CACNA2D1: variants seen among roughly 807,000 people sequenced by gnomAD.
CACNA2D1 encodes the protein voltage-dependent calcium channel subunit alpha-2/delta-1.
CACNA2D1 carries 53 observed loss-of-function variants against 171.5 expected under a neutral mutation model. That is an observed-to-expected ratio of 0.31 (90% confidence interval 0.25 to 0.39). The LOEUF is 0.39. CACNA2D1 is among the 10% of genes least tolerant of loss of function. The probability of loss-of-function intolerance (pLI) is 1.00; values close to 1 mark genes in which losing one functional copy is unlikely to be tolerated. For synonymous variants in CACNA2D1, 442 were observed against 443.1 expected, an observed-to-expected ratio of 1.00 and a Z score of 0.03; for missense variants, 903 against 1,299.8, an observed-to-expected ratio of 0.69 and a Z score of 4.69.
At chr7:82,256,187 G>A (rs11762870) in intron 3 of CACNA2D1, among the ~76,000 whole-genome samples, 241 of 152,212 alleles carry the variant, frequency 1.6e-3, no homozygotes, top group Non-Finnish European at 2.0e-3. Flanking sequence ...GGGGCGTGGC[G>A]GGAGGCTGAG....
intron 7 of CACNA2D1, among the ~76,000 whole-genome samples, chr7:82,077,775 A>T (rs1436142052): frequency 6.7e-6 from 1 of 148,232 alleles, no homozygotes; most frequent in Non-Finnish European, 1.5e-5. Context: ...AAAAAAAAAA[A>T]TCAGGCATTT....
intron 3 of CACNA2D1, among the ~76,000 whole-genome samples, chr7:82,309,724 T>C (rs1050945922): frequency 6.6e-6 from 1 of 152,138 alleles, no homozygotes. Context: ...AACACATGTG[T>C]GTCCATGGCA....
intron 9 of CACNA2D1, 63 bp downstream of exon 9, chr7:82,064,241 T>TA (rs1462050450): frequency 4.5e-6 from 5 of 1,120,302 alleles, no homozygotes; most frequent in Non-Finnish European, 6.8e-6. Flanking sequence ...CCCACCATAC[T>TA]ACTGTTATCT....
chr7:81,967,657 C>G lies in CACNA2D1; in HGVS notation c.2402G>C (p.Gly801Ala). The G allele has an allele frequency of 7.0e-7, 1 of 1,426,020 alleles. No homozygotes were observed. The allele number at this position is 1,426,020 out of a possible 1,614,324, so 88.3% of individuals were successfully genotyped here. Reference protein sequence around the residue: ...QGKLLKPAVVGIKIDVNSWIE... With the variant: ...QGKLLKPAVVAIKIDVNSWIE... ...CCAGGAATTTACATCAATTTTAATT[C>G]CAACAACTGAAAAATTAATTTGAAT... is the stretch of plus-strand genomic sequence containing the variant. The change falls in exon 30 of 39, where the codon GGA becomes GCA. Residue 801 changes from glycine to alanine, a missense_variant. Transcript: ENST00000356860.
Position 82,143,878 on chromosome 7 carries a change from ACT to A in CACNA2D1, c.355-7204_355-7203del, listed in dbSNP as rs1233837989. ...AATCAGGAGTTTCTATGTTTTAAAA[ACT>A]CTAACAAACATGTAGGGTTCTTTGG... is the stretch of plus-strand genomic sequence containing the variant. On this transcript the variant is annotated intron_variant, in intron 4 of 38. Transcript: ENST00000356860. 3.9e-5 allele frequency among the ~76,000 whole-genome samples: 6 copies of A among 152,050 alleles called. 1 individual carries two copies. The highest frequency in any genetic ancestry group is 2.6e-4 in the Admixed American group (4 of 15,246).
chr7:82,095,254 G>C (rs12530726), intron 6 of CACNA2D1, among the ~76,000 whole-genome samples: 50,232 of 151,788 alleles, frequency 0.33, 8,935 homozygotes, highest in East Asian at 0.4. Context: ...GCTCTACAGG[G>C]TGTTCCTCGA....
intron 3 of CACNA2D1, among the ~76,000 whole-genome samples, chr7:82,292,018 C>T (rs1366788655): frequency 6.6e-6 from 1 of 151,868 alleles, no homozygotes. Flanking sequence ...CACACACACA[C>T]ATTTTTCTCT....
chr7:82,005,884 C>T (rs774049137), intron 16 of CACNA2D1, 45 bp from the exon 17 acceptor site: 39 of 1,064,996 alleles, frequency 3.7e-5, no homozygotes, highest in Middle Eastern at 2.0e-4. Context: ...CAAAAATTTA[C>T]GTATTTTTAC....
rs139083179 is a variant in CACNA2D1, at chr7:82,422,900, T to A, written c.95+20465A>T. On this transcript the variant is annotated intron_variant, in intron 1 of 38. Transcript: ENST00000356860. Reference sequence around the variant, plus strand: ...ATGCTTTGTCAAGAAAAAAAAAAAATTTCCATGCATTTTAATTCCAGTGTG... The same window carrying A: ...ATGCTTTGTCAAGAAAAAAAAAAAAATTCCATGCATTTTAATTCCAGTGTG... Among the ~76,000 whole-genome samples, 456 of 151,356 alleles carry A rather than the reference T, an allele frequency of 3.0e-3. 3 individuals carry two copies. Among genetic ancestry groups the A allele is most frequent in the African/African-American group, 0.01 (417 of 41,224 alleles).
intron 3 of CACNA2D1, among the ~76,000 whole-genome samples, chr7:82,319,819 A>G (rs73704218): frequency 0.024 from 3,696 of 152,318 alleles, 167 homozygotes; most frequent in African/African-American, 0.083. Context: ...CTGAGACTAA[A>G]TGAATAAATT....
chr7:82,258,901 C>G (rs1219653687), intron 3 of CACNA2D1, among the ~76,000 whole-genome samples: 1 of 142,074 alleles, frequency 7.0e-6, no homozygotes, highest in Non-Finnish European at 1.5e-5. Context: ...AGTCTCAGCT[C>G]CCTGCAACCT....
At chr7:81,956,970 AATGAACTT>A (rs1793455901) in intron 38 of CACNA2D1, among the ~76,000 whole-genome samples, 1 of 152,192 alleles carries the variant, frequency 6.6e-6, no homozygotes, top group Admixed American at 6.6e-5. Flanking sequence ...TATTAAATAA[AATGAACTT>A]AGAAACTAGA....
At chr7:82,434,793 G>C (rs1280458160) in intron 1 of CACNA2D1, among the ~76,000 whole-genome samples, 1 of 151,984 alleles carries the variant, frequency 6.6e-6, no homozygotes, top group East Asian at 1.9e-4. Flanking sequence ...CCATGCTTCT[G>C]TCCCTGACAC....
chr7:82,066,332 A>G, intron 8 of CACNA2D1, 123 bp downstream of exon 8: 3 of 1,308,522 alleles, frequency 2.3e-6, no homozygotes, highest in Non-Finnish European at 3.1e-6. Flanking sequence ...ACTTATTTTT[A>G]AAAATCAGAT....
intron 36 of CACNA2D1, 29 bp downstream of exon 36, chr7:81,961,865 T>C (rs1376184607): frequency 6.7e-7 from 1 of 1,487,476 alleles, no homozygotes; most frequent in Admixed American, 1.7e-5. Context: ...CTTAATGAAA[T>C]AGGACTACTC....
chr7:82,140,853 G>T (rs948943676), intron 4 of CACNA2D1, among the ~76,000 whole-genome samples: 107 of 150,684 alleles, frequency 7.1e-4, no homozygotes, highest in Non-Finnish European at 4.4e-5. Flanking sequence ...TGTTCGGGAG[G>T]CTGAGACAGG....
intron 18 of CACNA2D1, among the ~76,000 whole-genome samples, chr7:81,998,583 G>C (rs1798283640): frequency 6.6e-6 from 1 of 151,824 alleles, no homozygotes; most frequent in Non-Finnish European, 1.5e-5. Flanking sequence ...GATTCCTATG[G>C]TTTTTGATAA....
chr7:82,421,067 T>A (rs1208655133), intron 1 of CACNA2D1, among the ~76,000 whole-genome samples: 1 of 152,164 alleles, frequency 6.6e-6, no homozygotes, highest in Non-Finnish European at 1.5e-5. Flanking sequence ...ACAGGGCAGT[T>A]TTTTCCTGAC....
Position 82,072,410 on chromosome 7 carries a change from C to A in CACNA2D1, c.659-5886G>T, listed in dbSNP as rs541183278. Among the ~76,000 whole-genome samples, 17 of 151,792 alleles carry A rather than the reference C, an allele frequency of 1.1e-4. No homozygotes were observed. The South Asian group carries it at 3.5e-3, about 32-fold the overall frequency. On this transcript the variant is annotated intron_variant, in intron 7 of 38. Transcript: ENST00000356860. ...TGCTTCACTGTATTGCTCTCATTCCCATGTATTTTTAGGAGAGTATTATTT... is the reference window on the plus strand; with the variant it reads ...TGCTTCACTGTATTGCTCTCATTCCAATGTATTTTTAGGAGAGTATTATTT...
Sources: allele counts gnomAD v4.1 joint callset (sites outside exome capture counted in the v4.1 genomes callset), GRCh38; gene constraint gnomAD v4.1.1; transcripts MANE v1.5; gene names NCBI Gene and HGNC (gene_info 2026-07-23, HGNC 2026-07-21).